NCAPD3: variants seen among roughly 807,000 people sequenced by gnomAD.
NCAPD3 encodes non-SMC condensin II complex subunit D3.
NCAPD3 carries 105 observed loss-of-function variants against 182.9 expected under a neutral mutation model. That is an observed-to-expected ratio of 0.57 (90% confidence interval 0.49 to 0.68). The LOEUF (loss-of-function observed/expected upper bound fraction) is 0.68, where lower values mean the gene tolerates loss of function less well. NCAPD3 is among the 30% of genes least tolerant of loss of function. The probability of loss-of-function intolerance (pLI) is 0.00; values close to 1 mark genes in which losing one functional copy is unlikely to be tolerated. For synonymous variants in NCAPD3, 815 were observed against 679.9 expected, an observed-to-expected ratio of 1.20 and a Z score of -3.09; for missense variants, 1,944 against 1,837.0, an observed-to-expected ratio of 1.06 and a Z score of -1.07.
Position 134,203,803 on chromosome 11 carries a change from T to C in NCAPD3, c.1319A>G (p.Lys440Arg), listed in dbSNP as rs760354844. ...AATTTCCTGCACCAGGAACTTATGC[T>C]TTAAGAACTTCTGATGCTCCAAGGA... ...TLSLEHQKFLKHKFLVQEIMF... is the reference protein window; with the variant it reads ...TLSLEHQKFLRHKFLVQEIMF... Residue 440 changes from lysine (K) to arginine (R), a missense_variant, in exon 11 of 35, where the codon AAG becomes AGG. Lys to Arg is a conservative substitution (Grantham distance 26). This residue lies in a region of NCAPD3 where 1,803 missense variants were observed against 1,674.6 expected (regional missense o/e 1.08). Coordinates refer to ENST00000534548, the MANE Select transcript of NCAPD3 (RefSeq NM_015261.3). 20 of 1,614,068 alleles carry C rather than the reference T, an allele frequency of 1.2e-5. No individual in the cohort carries two copies. The African/African-American group carries it at 2.3e-4, about 18-fold the overall frequency.
In NCAPD3 at chr11:134,169,092, G is replaced by C. The variant is rs754374673; in HGVS notation, c.3102-38C>G. On this transcript the variant is annotated intron_variant, in intron 24 of 34. Coordinates refer to ENST00000534548, the MANE Select transcript of NCAPD3 (RefSeq NM_015261.3). ...GAGAAACAAAGAGGGAGACCCATTT[G>C]CTATGTACCAACAGTCTCTGAATAC... 10 of 1,599,226 alleles carry C rather than the reference G, an allele frequency of 6.3e-6. No individual in the cohort carries two copies. The South Asian group carries it at 1.1e-4, about 18-fold the overall frequency.
rs547510421 is a variant in NCAPD3, at chr11:134,162,451, A to G, written c.3574-560T>C. On this transcript the variant is annotated intron_variant, in intron 27 of 34. Transcript: ENST00000534548. ...ACCAAGTCTTCACACTTTACCTTGAATGATCACTAACCACAAATATTCTCC... is the reference window on the plus strand; with the variant it reads ...ACCAAGTCTTCACACTTTACCTTGAGTGATCACTAACCACAAATATTCTCC... 5.3e-5 allele frequency among the ~76,000 whole-genome samples: 8 copies of G among 152,334 alleles called. No homozygotes were observed. The East Asian group carries it at 1.3e-3, about 26-fold the overall frequency.
In NCAPD3 at chr11:134,152,594, G is replaced by T. The variant is rs566308416; in HGVS notation, c.*350C>A. 23 of 186,218 alleles carry T rather than the reference G, an allele frequency of 1.2e-4. No individual in the cohort carries two copies. Among genetic ancestry groups the T allele is most frequent in the African/African-American group, 5.4e-4 (23 of 42,870 alleles). The allele number at this position is 186,218 out of a possible 1,614,324, so 11.5% of individuals were successfully genotyped here. On this transcript the variant is annotated 3_prime_UTR_variant, in exon 35 of 35. Transcript: ENST00000534548. ...CTATAAGGAATTCAAGTTAACAGAG[G>T]CTTGATTTATATAAAAGAAAGCTGC...
rs76913158 is a variant in NCAPD3, at chr11:134,172,553, G to C, written c.3102-3499C>G. On this transcript the variant is annotated intron_variant, in intron 24 of 34. Coordinates refer to ENST00000534548, the MANE Select transcript of NCAPD3 (RefSeq NM_015261.3). Reference sequence around the variant, plus strand: ...TCAATGGTCCATTATTTGAGGCGCTGTCCTGCCTTGAGCTTCTGGCCCTGC... The same window carrying C: ...TCAATGGTCCATTATTTGAGGCGCTCTCCTGCCTTGAGCTTCTGGCCCTGC... Among the ~76,000 whole-genome samples the C allele has an allele frequency of 4.7e-3, 713 of 152,300 alleles. 6 individuals carry two copies. The highest frequency in any genetic ancestry group is 0.016 in the African/African-American group (654 of 41,550).
At chr11:134,171,187 C>A (rs560593878) in intron 24 of NCAPD3, among the ~76,000 whole-genome samples, 1 of 152,246 alleles carries the variant, frequency 6.6e-6, no homozygotes, top group Admixed American at 6.5e-5. Context: ...AACGCACATA[C>A]CCACACCACC....
At chr11:134,166,316 G>C (rs1345958370) in intron 27 of NCAPD3, among the ~76,000 whole-genome samples, 2 of 13,410 alleles carry the variant, frequency 1.5e-4, no homozygotes, top group Admixed American at 1.0e-3. Flanking sequence ...AGTGAGATGA[G>C]CTTGGAGAGG....
At chr11:134,216,597 T>C (rs1938033461) in intron 3 of NCAPD3, among the ~76,000 whole-genome samples, 1 of 152,206 alleles carries the variant, frequency 6.6e-6, no homozygotes, top group Admixed American at 6.5e-5. Context: ...CACAGCAGTA[T>C]TTCTCAGTCT....
rs1459426659 is a variant in NCAPD3 at position 134,159,975 on chromosome 11, G to A, written c.3784C>T (p.Gln1262Ter). The A allele has an allele frequency of 6.2e-7, 1 of 1,614,102 alleles. No homozygotes were observed. The highest frequency in any genetic ancestry group is 8.5e-7 in the Non-Finnish European group (1 of 1,180,040). The change falls in exon 29 of 35, where the codon CAG becomes TAG. Residue 1262 changes from glutamine (Q) to a stop codon, truncating the protein, a stop_gained. Transcript: ENST00000534548. LOFTEE classifies it high-confidence loss of function. ...GCTAGCTCCTGCTCCTGGACCAGCT[G>A]TTCCTGGTACTTCTTCATGTCATAC... ...LEYDMKKYQE[Q>*]LVQEQELAKH...
At chr11:134,202,786 C>T (rs1190309101) in intron 13 of NCAPD3, 30 bp downstream of exon 13, 1 of 1,482,516 alleles carries the variant, frequency 6.7e-7, no homozygotes, top group African/African-American at 1.4e-5. Context: ...AGCAGTATTA[C>T]CTATCTGACA....
chr11:134,225,093 T>C (rs1179976639), upstream of NCAPD3: 8 of 1,573,746 alleles, frequency 5.1e-6, no homozygotes, highest in Non-Finnish European at 6.9e-6. Flanking sequence ...GGAGCGGTCC[T>C]TACCGAGACC....
intron 27 of NCAPD3, among the ~76,000 whole-genome samples, chr11:134,162,940 G>T (rs1565520720): frequency 1.3e-5 from 2 of 152,190 alleles, no homozygotes; most frequent in Non-Finnish European, 2.9e-5. Context: ...GCCATCTGAT[G>T]GATGATCCTG....
intron 23 of NCAPD3, among the ~76,000 whole-genome samples, chr11:134,176,796 C>G (rs1944179503): frequency 6.6e-6 from 1 of 152,190 alleles, no homozygotes; most frequent in Non-Finnish European, 1.5e-5. Context: ...CTAGGTTTTT[C>G]CGCACACGGA....
In NCAPD3 at chr11:134,217,087, G is replaced by C. The variant is rs750134949; in HGVS notation, c.231C>G (p.Thr77=). Residue 77 remains threonine, a synonymous_variant, in exon 3 of 35, where the codon ACC becomes ACG. Coordinates refer to ENST00000534548, the MANE Select transcript of NCAPD3 (RefSeq NM_015261.3). ...GGGAAACATTGTTCTCAATGAAGAA[G>C]GTCCAGATACTCTGTGGGGAGACCG... ...GEHGSMESIW[T]FFIENNVSHS... is the part of the protein sequence containing the mutation. 3 of 1,610,472 alleles carry C rather than the reference G, an allele frequency of 1.9e-6. No homozygotes were observed. The highest frequency in any genetic ancestry group is 2.2e-5 in the East Asian group (1 of 44,734).
At position 134,153,278 on chromosome 11, in the gene NCAPD3, C is replaced by A; in HGVS notation, c.4327+11G>T. On this transcript the variant is annotated intron_variant, in intron 33 of 34. Transcript: ENST00000534548. ...TGCATCTATCAGCCCAGAAGGACAC[C>A]AAGAACTTGCCTTTGGCTGACGACG... The A allele has an allele frequency of 6.2e-7, 1 of 1,614,130 alleles. No individual in the cohort carries two copies. The highest frequency in any genetic ancestry group is 8.5e-7 in the Non-Finnish European group (1 of 1,179,986).
chr11:134,176,175 A>AT, intron 24 of NCAPD3, 132 bp downstream of exon 24: 1 of 698,564 alleles, frequency 1.4e-6, no homozygotes, highest in Non-Finnish European at 2.4e-6. Context: ...AAAATCTGCT[A>AT]ATTTTCCTGG....
intron 7 of NCAPD3, 124 bp downstream of exon 7, chr11:134,208,740 G>A: frequency 1.5e-6 from 1 of 686,880 alleles, no homozygotes; most frequent in South Asian, 1.8e-5. Context: ...AATAATATAA[G>A]GTCATGAAAA....
Position 134,152,725 on chromosome 11 carries a change from A to T in NCAPD3, c.*219T>A. The T allele has an allele frequency of 2.2e-6, 1 of 455,484 alleles. No individual in the cohort carries two copies. The highest frequency in any genetic ancestry group is 3.8e-6 in the Non-Finnish European group (1 of 260,262). The allele number at this position is 455,484 out of a possible 1,614,324, so 28.2% of individuals were successfully genotyped here. A position where few individuals can be genotyped will look rare whatever the true frequency, so the allele number is the denominator to read the frequency against. On this transcript the variant is annotated 3_prime_UTR_variant, in exon 35 of 35. Transcript: ENST00000534548. ...AATATTAAACAGATTAGGGTAAGAA[A>T]ATCTAAATCTGGCACATCTCTATTA...
chr11:134,200,456 G>A (rs1358975752), intron 13 of NCAPD3, among the ~76,000 whole-genome samples: 2 of 152,128 alleles, frequency 1.3e-5, no homozygotes, highest in Non-Finnish European at 2.9e-5. Context: ...GTATGTATAT[G>A]GCCAATAAGC....
At chr11:134,211,619 G>A (rs1694479860) in intron 3 of NCAPD3, among the ~76,000 whole-genome samples, 2 of 151,822 alleles carry the variant, frequency 1.3e-5, no homozygotes, top group African/African-American at 4.8e-5. Context: ...AAATGACAGA[G>A]ATAATGGAAC....
Sources: gnomAD v4.1 joint callset for allele counts (sites outside exome capture counted in the v4.1 genomes callset) on GRCh38, gnomAD v4.1.1 for gene constraint, gnomAD v4.1.1 regional missense constraint, MANE v1.5 for transcripts, NCBI Gene and HGNC (gene_info 2026-07-23, HGNC 2026-07-21) for gene names.